The following CSMD3 variants were observed in gnomAD, a reference collection of about 807,000 sequenced individuals.
CSMD3 encodes the protein CUB and Sushi multiple domains 3, also known as CUB and sushi domain-containing protein 3.
Under a neutral mutation model 435.2 loss-of-function variants are expected in CSMD3, and 177 were observed. The observed-to-expected ratio is 0.41, with a 90% confidence interval of 0.36 to 0.46. The LOEUF is 0.46. Ranked by LOEUF, CSMD3 falls within the 20% of genes least tolerant of loss-of-function variation. The probability of loss-of-function intolerance (pLI) is 0.34; values close to 1 mark genes in which losing one functional copy is unlikely to be tolerated. For missense variants in CSMD3, 4,265 were observed against 4,504.6 expected (o/e 0.95, Z 1.52); for synonymous variants, 1,656 against 1,520.5 (o/e 1.09, Z -2.07).
At chr8:112,321,119 C>T (rs1322634419) in intron 45 of CSMD3, among the ~76,000 whole-genome samples, 1 of 151,872 alleles carries the variant, frequency 6.6e-6, no homozygotes, top group Non-Finnish European at 1.5e-5. Flanking sequence ...TACTCATATT[C>T]ATTCAGGAAA....
At chr8:112,997,374 C>A (rs2085693139) in intron 6 of CSMD3, among the ~76,000 whole-genome samples, 1 of 151,642 alleles carries the variant, frequency 6.6e-6, no homozygotes, top group Non-Finnish European at 1.5e-5. Context: ...TCATCTCACT[C>A]AATCCAATTT....
At chr8:113,117,433 C>G (rs2090864878) in intron 4 of CSMD3, among the ~76,000 whole-genome samples, 1 of 152,192 alleles carries the variant, frequency 6.6e-6, no homozygotes, top group African/African-American at 2.4e-5. Context: ...ATGGCAACAC[C>G]TGGATGTCCA....
At chr8:113,306,402 G>A (rs980635598) in intron 2 of CSMD3, among the ~76,000 whole-genome samples, 3 of 152,128 alleles carry the variant, frequency 2.0e-5, no homozygotes, top group African/African-American at 7.2e-5. Context: ...AGAGACATGC[G>A]AGACAATGTC....
intron 5 of CSMD3, among the ~76,000 whole-genome samples, chr8:113,022,598 C>T (rs549718536): frequency 1.4e-3 from 206 of 151,624 alleles, no homozygotes; most frequent in African/African-American, 4.7e-3. Context: ...AATATATTTT[C>T]CATTTCACCC....
rs2131706725 is a variant in CSMD3 at position 112,666,266 on chromosome 8, A to T, written c.2816+11T>A. ...TATTTTCTTTAAAAGTAGGAAAAAT[A>T]TTTGTGAGACCTTTCAAATGTAATT... is the stretch of plus-strand genomic sequence containing the variant. On this transcript the variant is annotated intron_variant, in intron 17 of 70. Transcript: ENST00000297405. 1 of 1,601,644 alleles carries T rather than the reference A, an allele frequency of 6.2e-7. No homozygotes were observed. The highest frequency in any genetic ancestry group is 1.1e-5 in the South Asian group (1 of 90,456).
chr8:112,744,624 C>A (rs1424934587), intron 13 of CSMD3, among the ~76,000 whole-genome samples: 1 of 151,060 alleles, frequency 6.6e-6, no homozygotes, highest in Admixed American at 6.6e-5. Flanking sequence ...ATTTTTTTTT[C>A]TATTTTTCTT....
intron 17 of CSMD3, among the ~76,000 whole-genome samples, chr8:112,661,475 G>A (rs1229162947): frequency 2.6e-5 from 4 of 152,050 alleles, no homozygotes; most frequent in Non-Finnish European, 4.4e-5. Context: ...GTCAGAGTAC[G>A]GATGCCCTCT....
chr8:112,620,302 A>C (rs1833969034), intron 22 of CSMD3, among the ~76,000 whole-genome samples: 1 of 152,154 alleles, frequency 6.6e-6, no homozygotes, highest in Non-Finnish European at 1.5e-5. Flanking sequence ...CCGTATGTTA[A>C]ATTATTCCAA....
intron 8 of CSMD3, among the ~76,000 whole-genome samples, chr8:112,948,326 T>A (rs2083686040): frequency 1.3e-5 from 2 of 152,022 alleles, no homozygotes; most frequent in South Asian, 4.1e-4. Context: ...TTCAAAGTTC[T>A]AACACTTCTT....
In CSMD3 at chr8:112,627,911, C is replaced by T. The variant is rs540092013; in HGVS notation, c.3715+8906G>A. On this transcript the variant is annotated intron_variant, in intron 22 of 70. Transcript: ENST00000297405. ...AAGAAAACTAAGATCCAGCCTCCAC[C>T]TTCAAAGGACTTACAGGTATCAAGT... 2.0e-5 allele frequency among the ~76,000 whole-genome samples: 3 copies of T among 152,276 alleles called. No homozygotes were observed. In the South Asian group the frequency reaches 6.2e-4, roughly 32 times the overall value.
At chr8:113,281,674 T>C (rs889503130) in intron 2 of CSMD3, among the ~76,000 whole-genome samples, 6 of 151,962 alleles carry the variant, frequency 3.9e-5, no homozygotes, top group African/African-American at 1.4e-4. Context: ...AGTATTGAAA[T>C]GTGAGGTACC....
At chr8:112,333,302 G>A (rs571964480) in intron 45 of CSMD3, among the ~76,000 whole-genome samples, 7 of 152,128 alleles carry the variant, frequency 4.6e-5, no homozygotes, top group African/African-American at 1.2e-4. Context: ...TGAGTAGCTG[G>A]GATTACAGGC....
intron 32 of CSMD3, among the ~76,000 whole-genome samples, chr8:112,455,540 C>T (rs1258547974): frequency 6.6e-6 from 1 of 151,708 alleles, no homozygotes; most frequent in South Asian, 2.1e-4. Flanking sequence ...AACAAATCTG[C>T]ACATGTAGTC....
At chr8:112,747,632 C>A (rs188858354) in intron 13 of CSMD3, among the ~76,000 whole-genome samples, 1 of 152,194 alleles carries the variant, frequency 6.6e-6, no homozygotes, top group East Asian at 1.9e-4. Context: ...TTAGGCTTTG[C>A]AAGCATAGAC....
intron 3 of CSMD3, among the ~76,000 whole-genome samples, chr8:113,205,985 G>A (rs2092766876): frequency 6.6e-6 from 1 of 151,718 alleles, no homozygotes; most frequent in South Asian, 2.1e-4. Context: ...ATGGCCTGAT[G>A]CCCTTTGTAT....
At chr8:112,226,149 T>C (rs191269995) in intron 70 of CSMD3, among the ~76,000 whole-genome samples, 39 of 152,288 alleles carry the variant, frequency 2.6e-4, no homozygotes, top group African/African-American at 9.4e-4. Flanking sequence ...TTCAAAAATA[T>C]TAGGTGATTT....
chr8:112,855,582 G>T (rs986134132), intron 11 of CSMD3, among the ~76,000 whole-genome samples: 8 of 151,898 alleles, frequency 5.3e-5, no homozygotes, highest in African/African-American at 1.9e-4. Context: ...TACAAATAGA[G>T]GGATGAAAAA....
chr8:112,841,318 G>A (rs1587449731), intron 11 of CSMD3, among the ~76,000 whole-genome samples: 1 of 151,720 alleles, frequency 6.6e-6, no homozygotes, highest in Middle Eastern at 3.4e-3. Context: ...GAAGACATCA[G>A]GGCCATAAAA....
chr8:112,338,947 A>G (rs1824834617), intron 42 of CSMD3, among the ~76,000 whole-genome samples: 1 of 152,082 alleles, frequency 6.6e-6, no homozygotes, highest in Non-Finnish European at 1.5e-5. Flanking sequence ...TGTGTAGGAG[A>G]AAGTTCCCAT....
Sources: gnomAD v4.1 joint callset for allele counts (sites outside exome capture counted in the v4.1 genomes callset) on GRCh38, gnomAD v4.1.1 for gene constraint, MANE v1.5 for transcripts, NCBI Gene and HGNC (gene_info 2026-07-23, HGNC 2026-07-21) for gene names.